SLC31A2: variants seen among roughly 807,000 people sequenced by gnomAD.
SLC31A2 encodes the protein solute carrier family 31 member 2.
SLC31A2 carries 16 observed loss-of-function variants against 14.4 expected under a neutral mutation model. The observed-to-expected ratio is 1.11, with a 90% CI of 0.75 to 1.69. SLC31A2 has a LOEUF of 1.69. Among genes scored for constraint, SLC31A2 ranks in the 40% most tolerant of loss-of-function variants. SLC31A2 has a pLI of 0.00. For missense variants in SLC31A2, 140 were observed against 173.9 expected (o/e 0.81, Z 1.10); for synonymous variants, 56 against 68.7 (o/e 0.82, Z 0.91).
chr9:113,162,636 T>A, intron 3 of SLC31A2, 113 bp from the exon 4 acceptor site: 2 of 995,428 alleles, frequency 2.0e-6, no homozygotes, highest in South Asian at 3.1e-5. Context: ...GCATACAAGT[T>A]ATAAATCAAT....
intron 1 of SLC31A2, chr9:113,152,441 C>A (rs753797863): frequency 6.6e-6 from 1 of 152,316 alleles, no homozygotes; most frequent in Non-Finnish European, 1.5e-5. Context: ...CCCTCTGGGG[C>A]TTCGGACTCC....
intron 1 of SLC31A2, among the ~76,000 whole-genome samples, chr9:113,152,694 A>G (rs933104795): frequency 5.9e-5 from 9 of 152,220 alleles, no homozygotes; most frequent in African/African-American, 1.2e-4. Context: ...CCTAAGGGCC[A>G]AAGACTTGTC....
rs764088234 is a variant in SLC31A2 at position 113,161,637 on chromosome 9, G to A, written c.202G>A (p.Ala68Thr). The A allele has an allele frequency of 5.0e-6, 8 of 1,613,908 alleles. No homozygotes were observed. In the South Asian group the frequency reaches 5.5e-5, roughly 11 times the overall value. The change falls in exon 3 of 4, where the codon GCA becomes ACA. Residue 68 changes from alanine to threonine, a missense_variant. By Grantham distance (58) the Ala-to-Thr change is moderately conservative (BLOSUM62 0). Transcript: ENST00000259392. ...AACCTCCATCAGCCAGCAGACCATC[G>A]CAGAGACAGACGGGGACTCTGCAGG... ...LPTSISQQTI[A>T]ETDGDSAGSD... is the part of the protein sequence containing the mutation.
At position 113,151,148 on chromosome 9, in the gene SLC31A2, G is replaced by C; in HGVS notation, c.6+68G>C. 1 of 1,269,592 alleles carries C rather than the reference G, an allele frequency of 7.9e-7. No individual in the cohort carries two copies. The highest frequency in any genetic ancestry group is 3.6e-5 in the South Asian group (1 of 27,412). The allele number at this position is 1,269,592 out of a possible 1,614,324, so 78.6% of individuals were successfully genotyped here. ...CGGGGTCTCCTGGAGCTGCCATCTC[G>C]GCACCCCGAATCCTCGCTGCCGCTG... On this transcript the variant is annotated intron_variant, in intron 1 of 3. Coordinates refer to ENST00000259392, the MANE Select transcript of SLC31A2 (RefSeq NM_001860.3). The surrounding 1 kb of genome is among the most constrained non-coding windows in gnomAD (Gnocchi z 4.2).
chr9:113,157,218 T>C (rs1162358864), intron 1 of SLC31A2, among the ~76,000 whole-genome samples: 2 of 152,194 alleles, frequency 1.3e-5, no homozygotes, highest in Non-Finnish European at 2.9e-5. Context: ...AAATGTATAG[T>C]GAATGAGTAG....
Position 113,156,687 on chromosome 9 carries a change from C to A in SLC31A2, c.7-1040C>A, listed in dbSNP as rs544858245. 2.5e-4 allele frequency among the ~76,000 whole-genome samples: 38 copies of A among 152,284 alleles called. 1 individual carries two copies. The South Asian group carries it at 7.1e-3, about 28-fold the overall frequency. ...GGGCTTACCTGGGGACCAGAGGGGG[C>A]CTTCACTTCCCTGAGAGGGTGAACT... is the stretch of plus-strand genomic sequence containing the variant. On this transcript the variant is annotated intron_variant, in intron 1 of 3. Transcript: ENST00000259392.
chr9:113,152,753 A>G (rs1465214004), intron 1 of SLC31A2, among the ~76,000 whole-genome samples: 3 of 152,248 alleles, frequency 2.0e-5, no homozygotes, highest in Non-Finnish European at 4.4e-5. Context: ...GCACAACAAA[A>G]AGAAATCTTT....
At chr9:113,157,131 C>T (rs1430611942) in intron 1 of SLC31A2, among the ~76,000 whole-genome samples, 1 of 152,194 alleles carries the variant, frequency 6.6e-6, no homozygotes, top group African/African-American at 2.4e-5. Flanking sequence ...GCAGTCTTTC[C>T]TGTAAGGCTG....
At chr9:113,154,749 G>A (rs539994721) in intron 1 of SLC31A2, among the ~76,000 whole-genome samples, 130 of 152,262 alleles carry the variant, frequency 8.5e-4, no homozygotes, top group Non-Finnish European at 1.4e-3. Flanking sequence ...CCTGTGATCC[G>A]CTCCAGTGTC....
chr9:113,151,781 G>A lies in SLC31A2; in HGVS notation c.6+701G>A, dbSNP rs1829869808. The A allele has an allele frequency of 6.6e-6, 1 of 152,034 alleles. No individual in the cohort carries two copies. Among genetic ancestry groups the A allele is most frequent in the Admixed American group, 6.6e-5 (1 of 15,254 alleles). The allele number at this position is 152,034 out of a possible 1,614,324, so 9.4% of individuals were successfully genotyped here. On this transcript the variant is annotated intron_variant, in intron 1 of 3. Coordinates refer to ENST00000259392, the MANE Select transcript of SLC31A2 (RefSeq NM_001860.3). The surrounding 1 kb of genome is among the most constrained non-coding windows in gnomAD (Gnocchi z 4.2). ...CAGGAAGCTCAGCCTGGGCAACATA[G>A]CTAGACCCCGTCTCTACAAAAATTA...
intron 2 of SLC31A2, chr9:113,158,066 A>T: frequency 1.8e-6 from 1 of 544,424 alleles, no homozygotes; most frequent in South Asian, 1.5e-5. Context: ...AAGCCCAGAG[A>T]CAGGAAGAGA....
intron 1 of SLC31A2, chr9:113,155,854 A>T: frequency 3.2e-6 from 1 of 315,464 alleles, no homozygotes; most frequent in Admixed American, 3.8e-5. Flanking sequence ...GTTTTCCCCC[A>T]GCTCCCCTCG....
At chr9:113,152,134 TGTAA>T (rs1419533801) in intron 1 of SLC31A2, 1 of 152,210 alleles carries the variant, frequency 6.6e-6, no homozygotes, top group Non-Finnish European at 1.5e-5. Flanking sequence ...TTTCTCAAAG[TGTAA>T]GTAACCCCAA....
rs1830045089 is a variant in SLC31A2, at chr9:113,163,166, G to A, written c.*249G>A. Reference sequence around the variant, plus strand: ...CTTAAGACAGCTGCTGTGACCAAAGGGAGAATGGAGATAACAGGGGTGGCA... The same window carrying A: ...CTTAAGACAGCTGCTGTGACCAAAGAGAGAATGGAGATAACAGGGGTGGCA... On this transcript the variant is annotated 3_prime_UTR_variant, in exon 4 of 4. Transcript: ENST00000259392. 1 of 323,604 alleles carries A rather than the reference G, an allele frequency of 3.1e-6. No homozygotes were observed. Among genetic ancestry groups the A allele is most frequent in the Non-Finnish European group, 5.6e-6 (1 of 177,884 alleles). The allele number at this position is 323,604 out of a possible 1,614,324, so 20.0% of individuals were successfully genotyped here.
intron 3 of SLC31A2, 59 bp downstream of exon 3, chr9:113,161,757 C>G (rs1189662098): frequency 1.3e-5 from 21 of 1,569,786 alleles, no homozygotes; most frequent in Non-Finnish European, 1.8e-5. Context: ...GAGAGACAGG[C>G]TGGCCCAGAC....
chr9:113,162,162 T>G (rs949792769), intron 3 of SLC31A2: 4 of 317,022 alleles, frequency 1.3e-5, no homozygotes, highest in Non-Finnish European at 2.4e-5. Flanking sequence ...TTCTGCCCTC[T>G]GTCCAGCCCC....
At position 113,163,732 on chromosome 9, in the gene SLC31A2, T is replaced by G. The variant is rs1218153558; in HGVS notation, c.*815T>G. 3 of 152,488 alleles carry G rather than the reference T, an allele frequency of 2.0e-5. No homozygotes were observed. Among genetic ancestry groups the G allele is most frequent in the Non-Finnish European group, 2.9e-5 (2 of 68,044 alleles). The allele number at this position is 152,488 out of a possible 1,614,324, so 9.4% of individuals were successfully genotyped here. On this transcript the variant is annotated 3_prime_UTR_variant, in exon 4 of 4. Transcript: ENST00000259392. ...CAGGAAGAAGATGATCTGATGGCCG[T>G]GGGTGTCTGGGAAGCTCTTCGTGGC...
At position 113,157,772 on chromosome 9, in the gene SLC31A2, T is replaced by C. The variant is rs377320489; in HGVS notation, c.52T>C (p.Trp18Arg). The C allele has an allele frequency of 6.3e-5, 101 of 1,613,160 alleles. No homozygotes were observed. Among genetic ancestry groups the C allele is most frequent in the Admixed American group, 1.7e-5 (1 of 59,926 alleles). The change falls in exon 2 of 4, where the codon TGG becomes CGG. Residue 18 changes from tryptophan to arginine, a missense_variant. Physicochemically the swap from Trp to Arg is moderately radical, Grantham distance 101. Transcript: ENST00000259392. ...TACAGCGGTGCTTCTGTTTGATTTC[T>C]GGAGTGTCCACAGTCCTGCTGGTAA... ...SDTAVLLFDF[W>R]SVHSPAGMAL...
intron 1 of SLC31A2, among the ~76,000 whole-genome samples, chr9:113,153,094 C>T (rs1434061995): frequency 2.0e-5 from 3 of 148,480 alleles, no homozygotes; most frequent in African/African-American, 4.9e-5. Context: ...ATCAATCTTG[C>T]GTAAACATTT....
Sources: allele counts gnomAD v4.1 joint callset (sites outside exome capture counted in the v4.1 genomes callset), GRCh38; gene constraint gnomAD v4.1.1; non-coding constraint Gnocchi (gnomAD v3.1); transcripts MANE v1.5; gene names NCBI Gene and HGNC (gene_info 2026-07-23, HGNC 2026-07-21).